Variants in CACNA2D3 observed in about 807,000 individuals in gnomAD.
CACNA2D3 encodes the protein calcium voltage-gated channel auxiliary subunit alpha2delta 3.
A neutral mutation model predicts 160.6 loss-of-function variants in CACNA2D3; 60 were observed. The ratio of observed to expected loss-of-function variants is 0.37; its 90% CI spans 0.30 to 0.46. The LOEUF (loss-of-function observed/expected upper bound fraction) is 0.46. Ranked by LOEUF, CACNA2D3 falls within the 20% of genes least tolerant of loss-of-function variation. CACNA2D3 has a pLI of 1.00. For synonymous variants in CACNA2D3, 558 were observed against 492.9 expected, an observed-to-expected ratio of 1.13 and a Z score of -1.75; for missense variants, 1,205 against 1,365.0, an observed-to-expected ratio of 0.88 and a Z score of 1.85.
chr3:54,138,410 G>A (rs528648462), intron 2 of CACNA2D3, among the ~76,000 whole-genome samples: 7 of 152,296 alleles, frequency 4.6e-5, no homozygotes, highest in Admixed American at 2.6e-4. Context: ...GGTGGTCCTC[G>A]GAGCATCTGG....
intron 10 of CACNA2D3, chr3:54,638,441 G>C (rs1350336886): frequency 2.6e-5 from 4 of 151,924 alleles, no homozygotes; most frequent in East Asian, 1.9e-4. Context: ...GTAAGCCGGA[G>C]CAGGTGTGAG....
chr3:54,935,261 A>G (rs555580084), intron 27 of CACNA2D3, among the ~76,000 whole-genome samples: 2 of 152,256 alleles, frequency 1.3e-5, no homozygotes, highest in East Asian at 3.9e-4. Context: ...AATCCTCCCT[A>G]TACTGTCAGG....
At chr3:54,570,637 A>G (rs71301894) in intron 8 of CACNA2D3, among the ~76,000 whole-genome samples, 2,522 of 152,196 alleles carry the variant, frequency 0.017, 37 homozygotes, top group Non-Finnish European at 0.025. Flanking sequence ...TAAATGCCTT[A>G]ATCTTCATAT....
In CACNA2D3 at chr3:54,243,496, A is replaced by G. The variant is rs144219732; in HGVS notation, c.205-76946A>G. On this transcript the variant is annotated intron_variant, in intron 2 of 37. Coordinates refer to ENST00000474759, the MANE Select transcript of CACNA2D3 (RefSeq NM_018398.3). ...CTTGGAAACCATGTGGGGTTCGGCT[A>G]TTGTTCATGTGTCTTTAACTTTGCA... is the stretch of plus-strand genomic sequence containing the variant. Among the ~76,000 whole-genome samples, 479 of 152,272 alleles carry G rather than the reference A, an allele frequency of 3.1e-3. 4 individuals carry two copies. The highest frequency in any genetic ancestry group is 0.01 in the African/African-American group (434 of 41,544).
chr3:54,930,834 G>A (rs765520505), intron 27 of CACNA2D3, among the ~76,000 whole-genome samples: 4 of 152,270 alleles, frequency 2.6e-5, no homozygotes, highest in East Asian at 1.9e-4. Context: ...GGTGGCTCAC[G>A]CCTGTAATCC....
chr3:54,643,423 C>G (rs1699566080), intron 11 of CACNA2D3, among the ~76,000 whole-genome samples: 1 of 152,054 alleles, frequency 6.6e-6, no homozygotes, highest in Admixed American at 6.5e-5. Context: ...TGGGTGCCAA[C>G]TCCTTCCCCT....
chr3:54,296,546 G>A (rs956016967), intron 2 of CACNA2D3, among the ~76,000 whole-genome samples: 3 of 152,136 alleles, frequency 2.0e-5, no homozygotes, highest in Non-Finnish European at 2.9e-5. Flanking sequence ...ACAGGGATCC[G>A]TGCTCGCTTT....
intron 2 of CACNA2D3, among the ~76,000 whole-genome samples, chr3:54,220,679 T>C (rs1485649966): frequency 1.3e-5 from 2 of 152,150 alleles, no homozygotes; most frequent in African/African-American, 4.8e-5. Context: ...ATCGTCCCTG[T>C]CCCAGGAAAC....
At chr3:54,814,715 C>T (rs368599141) in intron 13 of CACNA2D3, among the ~76,000 whole-genome samples, 10 of 152,270 alleles carry the variant, frequency 6.6e-5, no homozygotes, top group African/African-American at 2.4e-4. Context: ...AGGACATCAC[C>T]ACAAAGGCCT....
intron 4 of CACNA2D3, among the ~76,000 whole-genome samples, chr3:54,432,590 G>A (rs1432723055): frequency 1.3e-5 from 2 of 152,256 alleles, no homozygotes; most frequent in African/African-American, 4.8e-5. Context: ...GGACCCAGTT[G>A]ATGTGTTTCT....
rs78968099 is a variant in CACNA2D3, at chr3:54,577,604, A to T, written c.889-4199A>T. 5.0e-3 allele frequency among the ~76,000 whole-genome samples: 761 copies of T among 152,018 alleles called. 22 individuals carry two copies. The East Asian group carries it at 0.085, about 17-fold the overall frequency. ...GTGTCATCTGTTGGCCTTTCCCTTT[A>T]TGTAGCACACATCACACTCACATAT... is the stretch of plus-strand genomic sequence containing the variant. On this transcript the variant is annotated intron_variant, in intron 8 of 37. Transcript: ENST00000474759.
At chr3:54,931,068 C>T (rs1177991575) in intron 27 of CACNA2D3, among the ~76,000 whole-genome samples, 3 of 152,150 alleles carry the variant, frequency 2.0e-5, no homozygotes, top group African/African-American at 7.2e-5. Flanking sequence ...TGTACTCCAG[C>T]CTGGGTGACA....
chr3:54,336,332 C>G lies in CACNA2D3; in HGVS notation c.321+15774C>G, dbSNP rs113562395. 6.3e-3 allele frequency among the ~76,000 whole-genome samples: 962 copies of G among 152,210 alleles called. 18 individuals carry two copies. Among genetic ancestry groups the G allele is most frequent in the African/African-American group, 0.022 (908 of 41,532 alleles). On this transcript the variant is annotated intron_variant, in intron 3 of 37. Transcript: ENST00000474759. ...GAGGGGCTTCAAGGCTCTGCTTGGTCCTCTCATTGCTCTTGCTTGTTTGAG... is the reference window on the plus strand; with the variant it reads ...GAGGGGCTTCAAGGCTCTGCTTGGTGCTCTCATTGCTCTTGCTTGTTTGAG...
chr3:54,795,638 C>G (rs1032934896), intron 13 of CACNA2D3, among the ~76,000 whole-genome samples: 1 of 152,130 alleles, frequency 6.6e-6, no homozygotes, highest in African/African-American at 2.4e-5. Flanking sequence ...TCTAAGGCAA[C>G]CATTTTGTTG....
chr3:54,943,206 A>AC (rs1701521713), intron 27 of CACNA2D3, among the ~76,000 whole-genome samples: 1 of 151,296 alleles, frequency 6.6e-6, no homozygotes, highest in East Asian at 1.9e-4. Context: ...TCTCTGGTAA[A>AC]AAAAAAAAAA....
At chr3:54,430,467 T>C (rs1340430680) in intron 4 of CACNA2D3, among the ~76,000 whole-genome samples, 2 of 152,214 alleles carry the variant, frequency 1.3e-5, no homozygotes, top group African/African-American at 4.8e-5. Context: ...TAACTCTTTG[T>C]CTCCAGAACT....
intron 2 of CACNA2D3, among the ~76,000 whole-genome samples, chr3:54,249,585 A>ACACACACACC (rs1702143704): frequency 6.7e-6 from 1 of 148,470 alleles, no homozygotes; most frequent in Non-Finnish European, 1.5e-5. Flanking sequence ...ACACACACAC[A>ACACACACACC]CACCAGGCTA....
chr3:54,984,573 G>GTT, intron 29 of CACNA2D3, 35 bp from the exon 30 acceptor site: 1 of 1,315,230 alleles, frequency 7.6e-7, no homozygotes, highest in African/African-American at 1.5e-5. Flanking sequence ...AGTTGAAGCT[G>GTT]TTTTTTTGTT....
chr3:54,243,880 G>A (rs1233729417), intron 2 of CACNA2D3, among the ~76,000 whole-genome samples: 1 of 152,170 alleles, frequency 6.6e-6, no homozygotes, highest in Non-Finnish European at 1.5e-5. Flanking sequence ...CTCACTGGAT[G>A]AATATGGAGA....
Sources: allele counts gnomAD v4.1 joint callset (sites outside exome capture counted in the v4.1 genomes callset), GRCh38; gene constraint gnomAD v4.1.1; transcripts MANE v1.5; gene names NCBI Gene and HGNC (gene_info 2026-07-23, HGNC 2026-07-21).